SF3A1: variants seen among roughly 807,000 people sequenced by gnomAD.
The protein encoded by SF3A1 is SAP 114.
In SF3A1, 13 loss-of-function variants were observed where a neutral mutation model predicts 89.9. The observed-to-expected ratio is 0.14, with a 90% CI of 0.09 to 0.23. SF3A1 has a LOEUF of 0.23. SF3A1 is among the 10% of genes least tolerant of loss of function. The pLI is 1.00. For synonymous variants in SF3A1, 405 were observed against 374.4 expected (o/e 1.08, Z -0.94); for missense variants, 604 against 1,022.1 (o/e 0.59, Z 5.58).
At position 30,340,588 on chromosome 22, in the gene SF3A1, C is replaced by T. The variant is rs1220724637; in HGVS notation, c.1189+107G>A. On this transcript the variant is annotated intron_variant, in intron 8 of 15. Transcript: ENST00000215793. The stretch of plus-strand genomic sequence containing the variant: ...AACAGACGGGCTTGCAATGCTTTTA[C>T]AATAAGCTGCACCTCAAGCCCTCCT... 3.5e-6 allele frequency: 3 copies of T among 852,954 alleles called. No individual in the cohort carries two copies. The East Asian group carries it at 7.4e-5, about 21-fold the overall frequency. The allele number at this position is 852,954 out of a possible 1,614,324, so 52.8% of individuals were successfully genotyped here. A position where few individuals can be genotyped will look rare whatever the true frequency, so the allele number is the denominator to read the frequency against.
intron 13 of SF3A1, 71 bp from the exon 14 acceptor site, chr22:30,335,824 T>C: frequency 7.9e-7 from 1 of 1,267,342 alleles, no homozygotes. Context: ...CTGCTATCCC[T>C]AGGCCTGTCC....
In SF3A1 at chr22:30,350,565, T is replaced by C. The variant is rs528400532; in HGVS notation, c.185+2386A>G. On this transcript the variant is annotated intron_variant, in intron 2 of 15. Coordinates refer to ENST00000215793, the MANE Select transcript of SF3A1 (RefSeq NM_005877.6). Reference sequence around the variant, plus strand: ...TCAAGGAAAGCCTTTCACCTCTACATGGTGCATCCCCTTAATAAAGGACCA... The same window carrying C: ...TCAAGGAAAGCCTTTCACCTCTACACGGTGCATCCCCTTAATAAAGGACCA... Among the ~76,000 whole-genome samples, 22 of 152,300 alleles carry C rather than the reference T, an allele frequency of 1.4e-4. No individual in the cohort carries two copies. In the South Asian group the frequency reaches 4.3e-3, roughly 30 times the overall value.
chr22:30,332,448 G>C lies in SF3A1; in HGVS notation c.*2146C>G, dbSNP rs1930946212. 6.6e-6 allele frequency: 1 copy of C among 152,198 alleles called. No individual in the cohort carries two copies. The highest frequency in any genetic ancestry group is 2.4e-5 in the African/African-American group (1 of 41,438). The allele number at this position is 152,198 out of a possible 1,614,324, so 9.4% of individuals were successfully genotyped here. On this transcript the variant is annotated 3_prime_UTR_variant, in exon 16 of 16. Coordinates refer to ENST00000215793, the MANE Select transcript of SF3A1 (RefSeq NM_005877.6). The stretch of plus-strand genomic sequence containing the variant: ...TGGTCTGGTGGAGCAGAGCAGTGTG[G>C]TCCCCAGGAAGGGATGAGCTGCTTT...
chr22:30,348,594 C>G (rs1015529201), intron 2 of SF3A1, among the ~76,000 whole-genome samples: 10 of 152,286 alleles, frequency 6.6e-5, no homozygotes, highest in African/African-American at 2.4e-4. Context: ...GTGATCGACA[C>G]CCAGGCTGGC....
rs1569168761 is a variant in SF3A1, at chr22:30,334,088, C to CA, written c.*505dup. Reference sequence around the variant, plus strand: ...TTTAGTTACAAAACCCAAAAATCCTCAAAGAGAAGCCACATAGCACTGTGC... The same window carrying CA: ...TTTAGTTACAAAACCCAAAAATCCTCAAAAGAGAAGCCACATAGCACTGTGC... On this transcript the variant is annotated 3_prime_UTR_variant, in exon 16 of 16. Coordinates refer to ENST00000215793, the MANE Select transcript of SF3A1 (RefSeq NM_005877.6). The CA allele has an allele frequency of 2.0e-5, 3 of 152,376 alleles. No individual in the cohort carries two copies. The highest frequency in any genetic ancestry group is 7.2e-5 in the African/African-American group (3 of 41,572). 9.4% of individuals were successfully genotyped at this position (152,376 alleles called of 1,614,324 possible).
intron 2 of SF3A1, among the ~76,000 whole-genome samples, chr22:30,351,765 T>C (rs1381612830): frequency 2.0e-5 from 3 of 152,206 alleles, no homozygotes; most frequent in Non-Finnish European, 4.4e-5. Flanking sequence ...CCCAAAGTGC[T>C]AGGATTACAA....
rs146818277 is a variant in SF3A1, at chr22:30,335,658, C to T, written c.2202G>A (p.Thr734=). 45 of 1,614,064 alleles carry T rather than the reference C, an allele frequency of 2.8e-5. No homozygotes were observed. In the African/African-American group the frequency reaches 4.0e-4, roughly 14 times the overall value. Residue 734 remains threonine, a synonymous_variant, in exon 14 of 16, where the codon ACG becomes ACA. Coordinates refer to ENST00000215793, the MANE Select transcript of SF3A1 (RefSeq NM_005877.6). ...GQVLVFTLPL[T]DQVSVIKVKI... The stretch of plus-strand genomic sequence containing the variant: ...TTTCTGGCAGTACCCATACCTGGTC[C>T]GTGAGTGGGAGGGTGAAGACCAGCA...
chr22:30,342,486 T>A, intron 5 of SF3A1, 136 bp from the exon 6 acceptor site: 1 of 976,944 alleles, frequency 1.0e-6, no homozygotes, highest in Non-Finnish European at 1.5e-6. Flanking sequence ...ACTATGGCAT[T>A]TGCACCTGGT....
At position 30,356,867 on chromosome 22, in the gene SF3A1, G is replaced by C. The variant is rs752808723; in HGVS notation, c.-75C>G. On this transcript the variant is annotated 5_prime_UTR_variant, in exon 1 of 16. Coordinates refer to ENST00000215793, the MANE Select transcript of SF3A1 (RefSeq NM_005877.6). ...CCGCCTCAAGACAGCCTCCCCGCTC[G>C]GTCAGTACGACGAGCTCGCAAGATG... 4 of 1,213,248 alleles carry C rather than the reference G, an allele frequency of 3.3e-6. No individual in the cohort carries two copies. Among genetic ancestry groups the C allele is most frequent in the Non-Finnish European group, 4.2e-6 (4 of 953,884 alleles). The allele number at this position is 1,213,248 out of a possible 1,614,324, so 75.2% of individuals were successfully genotyped here. A position where few individuals can be genotyped will look rare whatever the true frequency, so the allele number is the denominator to read the frequency against.
chr22:30,353,031 A>G lies in SF3A1; in HGVS notation c.105T>C (p.Pro35=). The G allele has an allele frequency of 6.2e-7, 1 of 1,614,180 alleles. No individual in the cohort carries two copies. The highest frequency in any genetic ancestry group is 1.1e-5 in the South Asian group (1 of 91,088). ...AAATAATCCCCACAACTGGCTTAGA[A>G]GGTGCAGAATCCTCCTTTGAAGATG... ...EEASSKEDSA[P]SKPVVGIIYP... Residue 35 remains proline (P), a synonymous_variant, in exon 2 of 16, where the codon CCT becomes CCC. Transcript: ENST00000215793.
chr22:30,355,815 T>TCCCCCCC (rs11451197), intron 1 of SF3A1, among the ~76,000 whole-genome samples: 74 of 92,254 alleles, frequency 8.0e-4, no homozygotes, highest in African/African-American at 1.1e-3. Flanking sequence ...TCAGTCATGT[T>TCCCCCCC]CCCCCCCCCC....
At chr22:30,344,386 T>C (rs1035295542) in intron 4 of SF3A1, among the ~76,000 whole-genome samples, 14 of 152,374 alleles carry the variant, frequency 9.2e-5, no homozygotes, top group African/African-American at 3.4e-4. Context: ...ATTTAAATGC[T>C]GTTTCCAATT....
chr22:30,350,915 C>G (rs1931572110), intron 2 of SF3A1, among the ~76,000 whole-genome samples: 1 of 152,248 alleles, frequency 6.6e-6, no homozygotes. Flanking sequence ...AATGTTCAAT[C>G]AAGCACAGAG....
At position 30,340,798 on chromosome 22, in the gene SF3A1, T is replaced by A; in HGVS notation, c.1086A>T (p.Glu362Asp). The change falls in exon 8 of 16, where the codon GAA (glutamate) becomes GAT (aspartate). Residue 362 changes from glutamate (E) to aspartate (D), a missense_variant. Physicochemically the swap from Glu to Asp is conservative, Grantham distance 45. Around this residue, in one of 9 missense-constraint regions of SF3A1, gnomAD observed 146 missense variants for 228.5 expected, o/e 0.64. Coordinates refer to ENST00000215793, the MANE Select transcript of SF3A1 (RefSeq NM_005877.6). ...GTGGGGGCACTTTCTGCCCTTCTTC[T>A]TCATCATCTGAACCCTGAAAAGCAA... The part of the protein sequence containing the change: ...VQDMDEGSDD[E>D]EEGQKVPPPP... The A allele has an allele frequency of 1.3e-6, 2 of 1,588,828 alleles. No individual in the cohort carries two copies. The highest frequency in any genetic ancestry group is 8.6e-7 in the Non-Finnish European group (1 of 1,164,504).
chr22:30,342,525 T>C (rs959196119), intron 5 of SF3A1, 175 bp from the exon 6 acceptor site: 3 of 715,324 alleles, frequency 4.2e-6, no homozygotes, highest in East Asian at 2.7e-5. Context: ...TGGGACAGAA[T>C]GAAAATTCCA....
chr22:30,336,402 G>A (rs188502820), intron 13 of SF3A1, among the ~76,000 whole-genome samples: 1 of 152,252 alleles, frequency 6.6e-6, no homozygotes, highest in Admixed American at 6.5e-5. Flanking sequence ...GTGCACACCT[G>A]TAATCCCAGC....
intron 5 of SF3A1, 81 bp downstream of exon 5, chr22:30,342,724 G>T: frequency 1.1e-6 from 1 of 931,960 alleles, no homozygotes; most frequent in Non-Finnish European, 1.7e-6. Context: ...ACATAACAAG[G>T]TCCTGCCTCA....
chr22:30,340,455 G>C, intron 8 of SF3A1, 74 bp from the exon 9 acceptor site: 1 of 1,426,064 alleles, frequency 7.0e-7, no homozygotes, highest in Non-Finnish European at 9.8e-7. Flanking sequence ...TATTTCATGC[G>C]TGCATCATTC....
chr22:30,353,930 G>A (rs1397663284), intron 1 of SF3A1, among the ~76,000 whole-genome samples: 3 of 152,180 alleles, frequency 2.0e-5, no homozygotes, highest in Admixed American at 6.5e-5. Flanking sequence ...TGCACCCAGC[G>A]ATGGGCTTGG....
Sources: allele counts gnomAD v4.1 joint callset (sites outside exome capture counted in the v4.1 genomes callset), GRCh38; gene constraint gnomAD v4.1.1; regional missense constraint gnomAD v4.1.1; transcripts MANE v1.5; gene names NCBI Gene and HGNC (gene_info 2026-07-23, HGNC 2026-07-21).